The following KANK1 variants were observed in gnomAD, a reference collection of about 807,000 sequenced individuals.
The protein encoded by KANK1 is KN motif and ankyrin repeat domain-containing protein 1.
A neutral mutation model predicts 106.2 loss-of-function variants in KANK1; 109 were observed. The observed-to-expected ratio is 1.03, with a 90% CI of 0.88 to 1.20. The LOEUF is 1.20. Ranked by LOEUF, KANK1 falls within the 50% of genes most tolerant of loss-of-function variation. KANK1 has a pLI of 0.00. For synonymous variants in KANK1, 873 were observed against 652.2 expected (o/e 1.34, Z -5.16); for missense variants, 2,399 against 1,710.7 (o/e 1.40, Z -7.10).
chr9:488,406 C>T (rs2058328265), intron 3 of KANK1, among the ~76,000 whole-genome samples: 2 of 152,192 alleles, frequency 1.3e-5, no homozygotes, highest in South Asian at 4.1e-4. Flanking sequence ...CTTTGTTGCT[C>T]ATTCATGCTG....
chr9:483,347 A>T (rs1242712669), intron 3 of KANK1, among the ~76,000 whole-genome samples: 1 of 152,188 alleles, frequency 6.6e-6, no homozygotes, highest in African/African-American at 2.4e-5. Flanking sequence ...CCTTAGCTTC[A>T]ATCCCCAGAG....
intron 2 of KANK1, among the ~76,000 whole-genome samples, chr9:683,516 AG>A (rs1255628544): frequency 6.6e-6 from 1 of 152,218 alleles, no homozygotes; most frequent in African/African-American, 2.4e-5. Flanking sequence ...CTAAGCCAGA[AG>A]TTGGACATGG....
intron 2 of KANK1, among the ~76,000 whole-genome samples, chr9:692,303 C>CA (rs920888658): frequency 6.6e-6 from 1 of 151,380 alleles, no homozygotes; most frequent in African/African-American, 2.4e-5. Flanking sequence ...TGTGAAGACA[C>CA]AAAGATTAAA....
intron 1 of KANK1, among the ~76,000 whole-genome samples, chr9:645,739 G>A (rs1473569058): frequency 1.3e-5 from 2 of 150,610 alleles, no homozygotes; most frequent in African/African-American, 5.0e-5. Flanking sequence ...GAAATTAGCC[G>A]GGTGTGGTGG....
chr9:720,698 C>A (rs1829077982), intron 3 of KANK1, among the ~76,000 whole-genome samples: 1 of 152,136 alleles, frequency 6.6e-6, no homozygotes, highest in South Asian at 2.1e-4. Flanking sequence ...ATTCTGTCAC[C>A]CAGGTTGGAA....
chr9:556,521 A>G (rs2061593339), intron 1 of KANK1, among the ~76,000 whole-genome samples: 1 of 152,214 alleles, frequency 6.6e-6, no homozygotes, highest in Non-Finnish European at 1.5e-5. Flanking sequence ...TTATGAAACT[A>G]AAATTTGAGG....
At chr9:615,609 A>T (rs149911589) in intron 1 of KANK1, among the ~76,000 whole-genome samples, 154 of 152,342 alleles carry the variant, frequency 1.0e-3, no homozygotes, top group African/African-American at 3.6e-3. Context: ...CCCATAGTAT[A>T]TCCTTTAGGT....
intron 1 of KANK1, among the ~76,000 whole-genome samples, chr9:526,235 G>A (rs568626277): frequency 7.9e-5 from 12 of 151,908 alleles, no homozygotes; most frequent in South Asian, 2.1e-4. Context: ...CCCAGAGAAC[G>A]GGACGGCAGA....
intron 3 of KANK1, among the ~76,000 whole-genome samples, chr9:724,843 G>A (rs564718272): frequency 6.6e-6 from 1 of 152,236 alleles, no homozygotes; most frequent in African/African-American, 2.4e-5. Context: ...ATTAACTAGT[G>A]AGACTTTTTG....
chr9:717,350 C>T (rs1043527711), intron 3 of KANK1, among the ~76,000 whole-genome samples: 2 of 152,066 alleles, frequency 1.3e-5, no homozygotes, highest in Non-Finnish European at 2.9e-5. Flanking sequence ...GAGTTAAAGC[C>T]TCCCTGGCAC....
At chr9:630,862 C>G (rs1408298063) in intron 1 of KANK1, among the ~76,000 whole-genome samples, 1 of 151,932 alleles carries the variant, frequency 6.6e-6, no homozygotes, top group South Asian at 2.1e-4. Flanking sequence ...GGCTGAGGCA[C>G]GAGAATCACT....
intron 2 of KANK1, among the ~76,000 whole-genome samples, chr9:696,330 A>C (rs1445553014): frequency 6.6e-6 from 1 of 152,010 alleles, no homozygotes; most frequent in Non-Finnish European, 1.5e-5. Flanking sequence ...CTAGACACTT[A>C]GAGTCTGGTA....
intron 1 of KANK1, among the ~76,000 whole-genome samples, chr9:542,266 G>C (rs2060649407): frequency 6.6e-6 from 1 of 152,194 alleles, no homozygotes; most frequent in South Asian, 2.1e-4. Context: ...TTGGGAGGCC[G>C]AGGCAGGCAG....
chr9:517,981 A>G (rs750243168), intron 1 of KANK1, among the ~76,000 whole-genome samples: 25 of 151,144 alleles, frequency 1.7e-4, no homozygotes, highest in Non-Finnish European at 3.2e-4. Context: ...CAAGTGATCC[A>G]CCTGCCTCAG....
intron 3 of KANK1, among the ~76,000 whole-genome samples, chr9:720,589 C>T (rs1829047288): frequency 6.6e-6 from 1 of 152,210 alleles, no homozygotes; most frequent in Admixed American, 6.5e-5. Flanking sequence ...CTCCCAGGCT[C>T]AAGCAATTAA....
intron 3 of KANK1, among the ~76,000 whole-genome samples, chr9:494,197 C>T (rs1228056752): frequency 6.6e-6 from 1 of 152,182 alleles, no homozygotes; most frequent in African/African-American, 2.4e-5. Flanking sequence ...TTTAAGTTTT[C>T]ATAAACTTTT....
chr9:590,428 C>A (rs868055338), intron 1 of KANK1, among the ~76,000 whole-genome samples: 1 of 152,070 alleles, frequency 6.6e-6, no homozygotes, highest in Non-Finnish European at 1.5e-5. Flanking sequence ...CCTCCTTTAC[C>A]AGACAGTTTA....
chr9:640,046 C>T (rs1297724095), intron 1 of KANK1, among the ~76,000 whole-genome samples: 1 of 152,090 alleles, frequency 6.6e-6, no homozygotes, highest in African/African-American at 2.4e-5. Flanking sequence ...CATTGAGAAC[C>T]ATAGCAGTCT....
chr9:716,056 A>T (rs1010993440), intron 3 of KANK1, among the ~76,000 whole-genome samples: 1 of 152,238 alleles, frequency 6.6e-6, no homozygotes, highest in African/African-American at 2.4e-5. Flanking sequence ...AAGGGTATTC[A>T]TCTCAATGTT....
Sources: allele counts gnomAD v4.1 joint callset (sites outside exome capture counted in the v4.1 genomes callset), GRCh38; gene constraint gnomAD v4.1.1; transcripts MANE v1.5; gene names NCBI Gene and HGNC (gene_info 2026-07-23, HGNC 2026-07-21).